Variants in PCSK6 observed in about 807,000 individuals in gnomAD.
PCSK6 encodes proprotein convertase subtilisin/kexin type 6.
In PCSK6, 85 loss-of-function variants were observed where a neutral mutation model predicts 123.3. The observed-to-expected ratio is 0.69, with a 90% CI of 0.58 to 0.83. The LOEUF is 0.83. PCSK6 is among the 40% of genes least tolerant of loss of function. The probability of loss-of-function intolerance (pLI) is 0.00; values close to 1 mark genes in which losing one functional copy is unlikely to be tolerated. For missense variants in PCSK6, 1,191 were observed against 1,282.3 expected (o/e 0.93, Z 1.09); for synonymous variants, 508 against 516.0 (o/e 0.98, Z 0.21).
Position 101,398,644 on chromosome 15 carries a change from C to T in PCSK6, c.824-68G>A. On this transcript the variant is annotated intron_variant, in intron 6 of 21. Transcript: ENST00000611716. The surrounding 1 kb of genome is among the most constrained non-coding windows in gnomAD (Gnocchi z 4.6). ...GGCACACAGCGACGGGAACCCGGGC[C>T]CAGGAGGCTCGGATGAGGACACCGC... 1 of 1,539,038 alleles carries T rather than the reference C, an allele frequency of 6.5e-7. No homozygotes were observed. The highest frequency in any genetic ancestry group is 8.8e-7 in the Non-Finnish European group (1 of 1,137,646).
intron 4 of PCSK6, among the ~76,000 whole-genome samples, 155 bp downstream of exon 4, chr15:101,431,165 A>G (rs1243109070): frequency 6.6e-6 from 1 of 152,222 alleles, no homozygotes; most frequent in East Asian, 1.9e-4. Context: ...GTAGCAGAAT[A>G]TTCATCTTCC....
intron 6 of PCSK6, among the ~76,000 whole-genome samples, chr15:101,426,485 T>G (rs1434998154): frequency 1.3e-5 from 2 of 152,192 alleles, no homozygotes. Context: ...GCAAGAACTA[T>G]CCACAAAGGA....
intron 1 of PCSK6, among the ~76,000 whole-genome samples, chr15:101,469,662 G>A (rs1182985124): frequency 3.3e-5 from 5 of 152,188 alleles, no homozygotes; most frequent in Non-Finnish European, 7.3e-5. Flanking sequence ...GGCTAGAGCC[G>A]GGTGCCTCGC....
chr15:101,353,804 C>T (rs947291947), intron 13 of PCSK6, among the ~76,000 whole-genome samples: 2 of 152,128 alleles, frequency 1.3e-5, no homozygotes, highest in African/African-American at 2.4e-5. Flanking sequence ...TGAGGGTGGC[C>T]CTGAGCTTGG....
At position 101,414,593 on chromosome 15, in the gene PCSK6, C is replaced by T. The variant is rs544912028; in HGVS notation, c.823+13299G>A. Among the ~76,000 whole-genome samples, 5 of 152,162 alleles carry T rather than the reference C, an allele frequency of 3.3e-5. No homozygotes were observed. In the South Asian group the frequency reaches 1.0e-3, roughly 32 times the overall value. ...GTTAAGTACTGATTAGCGCTAAACACTGTAGAGAAACATAAGTCCCAATAA... is the reference window on the plus strand; with the variant it reads ...GTTAAGTACTGATTAGCGCTAAACATTGTAGAGAAACATAAGTCCCAATAA... On this transcript the variant is annotated intron_variant, in intron 6 of 21. Transcript: ENST00000611716.
rs538640100 is a variant in PCSK6 at position 101,458,976 on chromosome 15, G to A, written c.298-15316C>T. Among the ~76,000 whole-genome samples the A allele has an allele frequency of 8.9e-4, 136 of 152,248 alleles. No homozygotes were observed. In the South Asian group the frequency reaches 0.012, roughly 14 times the overall value. On this transcript the variant is annotated intron_variant, in intron 1 of 21. Coordinates refer to ENST00000611716, the MANE Select transcript of PCSK6 (RefSeq NM_002570.5). ...GGCCTGGATTTTACTACTGACAGCTGTAGGACTGTGGTTCACGAGCCACGT... is the reference window on the plus strand; with the variant it reads ...GGCCTGGATTTTACTACTGACAGCTATAGGACTGTGGTTCACGAGCCACGT...
At chr15:101,418,667 C>T (rs2055976191) in intron 6 of PCSK6, among the ~76,000 whole-genome samples, 1 of 151,984 alleles carries the variant, frequency 6.6e-6, no homozygotes, top group Non-Finnish European at 1.5e-5. Flanking sequence ...TGCCTGCCAC[C>T]ATGCCCAGCT....
At chr15:101,326,304 G>A in intron 16 of PCSK6, 73 bp downstream of exon 16, 1 of 1,168,334 alleles carries the variant, frequency 8.6e-7, no homozygotes, top group Non-Finnish European at 1.2e-6. Flanking sequence ...GGGGCATCAG[G>A]ACATGGAGGG....
chr15:101,326,785 T>C (rs1213750383), intron 15 of PCSK6, among the ~76,000 whole-genome samples: 1 of 152,182 alleles, frequency 6.6e-6, no homozygotes, highest in Non-Finnish European at 1.5e-5. Flanking sequence ...TGTGAGAGCC[T>C]GGAGGGGTAG....
chr15:101,368,522 G>A (rs980828158), intron 12 of PCSK6, among the ~76,000 whole-genome samples: 1 of 152,174 alleles, frequency 6.6e-6, no homozygotes, highest in Non-Finnish European at 1.5e-5. Flanking sequence ...CAGGGTGTGG[G>A]CCAACTCTCC....
chr15:101,400,816 C>T (rs2042565110), intron 6 of PCSK6, among the ~76,000 whole-genome samples: 3 of 152,234 alleles, frequency 2.0e-5, no homozygotes, highest in Admixed American at 6.5e-5. Context: ...GGGTAAGAAG[C>T]TTCCAACCTA....
intron 1 of PCSK6, among the ~76,000 whole-genome samples, chr15:101,487,989 T>C (rs1204698359): frequency 6.6e-6 from 1 of 152,194 alleles, no homozygotes; most frequent in African/African-American, 2.4e-5. Flanking sequence ...TCTCCAAAGA[T>C]GTGCTAGCAT....
chr15:101,403,436 AAGAG>A (rs1214607253), intron 6 of PCSK6, among the ~76,000 whole-genome samples: 2 of 147,628 alleles, frequency 1.4e-5, no homozygotes, highest in Admixed American at 6.6e-5. Flanking sequence ...ATTAAAAAAA[AAGAG>A]AGAGAAAAAA....
At chr15:101,415,985 T>C (rs1287038072) in intron 6 of PCSK6, among the ~76,000 whole-genome samples, 2 of 152,160 alleles carry the variant, frequency 1.3e-5, no homozygotes, top group Non-Finnish European at 2.9e-5. Flanking sequence ...ATACAGTAAA[T>C]TGGTGCCCAT....
At chr15:101,390,930 T>G (rs2042216866) in intron 8 of PCSK6, among the ~76,000 whole-genome samples, 1 of 142,296 alleles carries the variant, frequency 7.0e-6, no homozygotes, top group East Asian at 2.4e-4. Flanking sequence ...ACCACAGGAC[T>G]CCAGTAGCCG....
At chr15:101,306,339 AC>A (rs1176205637) in intron 21 of PCSK6, among the ~76,000 whole-genome samples, 2 of 151,550 alleles carry the variant, frequency 1.3e-5, no homozygotes, top group African/African-American at 4.9e-5. Context: ...TAATTAGACA[AC>A]CCTCCCGCCA....
At chr15:101,427,210 G>C (rs988326246) in intron 6 of PCSK6, among the ~76,000 whole-genome samples, 1 of 152,162 alleles carries the variant, frequency 6.6e-6, no homozygotes, top group Non-Finnish European at 1.5e-5. Flanking sequence ...ACGCGGGGCA[G>C]GGGCGGCTGC....
At chr15:101,318,568 G>A (rs2141348092) in intron 18 of PCSK6, 146 bp from the exon 19 acceptor site, 1 of 714,848 alleles carries the variant, frequency 1.4e-6, no homozygotes, top group Non-Finnish European at 2.4e-6. Flanking sequence ...GGAAAGTCGG[G>A]AAAGCCATCC....
intron 20 of PCSK6, among the ~76,000 whole-genome samples, chr15:101,310,452 A>G (rs958665245): frequency 6.6e-6 from 1 of 152,244 alleles, no homozygotes; most frequent in African/African-American, 2.4e-5. Context: ...TTGACAAATG[A>G]AAGTGATTAT....
Sources: allele counts gnomAD v4.1 joint callset (sites outside exome capture counted in the v4.1 genomes callset), GRCh38; gene constraint gnomAD v4.1.1; non-coding constraint Gnocchi (gnomAD v3.1); transcripts MANE v1.5; gene names NCBI Gene and HGNC (gene_info 2026-07-23, HGNC 2026-07-21).